EYS: variants seen among roughly 807,000 people sequenced by gnomAD.
The protein encoded by EYS is protein eyes shut homolog.
Under a neutral mutation model 282.1 loss-of-function variants are expected in EYS, and 250 were observed. That is an observed-to-expected ratio of 0.89 (90% CI 0.80 to 0.98). EYS has a LOEUF of 0.98. EYS is among the 50% of genes least tolerant of loss of function. The probability of loss-of-function intolerance (pLI) is 0.00; values close to 1 mark genes in which losing one functional copy is unlikely to be tolerated. For synonymous variants in EYS, 1,355 were observed against 1,282.9 expected (o/e 1.06, Z -1.20); for missense variants, 4,016 against 3,709.0 (o/e 1.08, Z -2.15).
At chr6:64,944,976 T>C (rs1769230038) in intron 15 of EYS, among the ~76,000 whole-genome samples, 2 of 151,440 alleles carry the variant, frequency 1.3e-5, no homozygotes, top group South Asian at 4.2e-4. Context: ...GCTGACCTTC[T>C]CCTTATTATC....
At chr6:65,147,096 T>C (rs1292944266) in intron 12 of EYS, among the ~76,000 whole-genome samples, 1 of 152,030 alleles carries the variant, frequency 6.6e-6, no homozygotes, top group East Asian at 1.9e-4. Flanking sequence ...TAAACTGCAT[T>C]TATATTTTTG....
intron 31 of EYS, among the ~76,000 whole-genome samples, chr6:64,131,820 G>T (rs978629293): frequency 1.3e-5 from 2 of 152,166 alleles, no homozygotes; most frequent in Non-Finnish European, 2.9e-5. Flanking sequence ...ATACTACTTT[G>T]CAGAAATCAT....
At position 64,170,889 on chromosome 6, in the gene EYS, A is replaced by G. The variant is rs956644698; in HGVS notation, c.6424+59703T>C. Among the ~76,000 whole-genome samples, 4 of 151,960 alleles carry G rather than the reference A, an allele frequency of 2.6e-5. No individual in the cohort carries two copies. In the South Asian group the frequency reaches 6.2e-4, roughly 24 times the overall value. ...ATCCCAACTTTTTCTCATCTTTTTAAATCACTCTGCTGAGAGGCAGGCAGG... is the reference window on the plus strand; with the variant it reads ...ATCCCAACTTTTTCTCATCTTTTTAGATCACTCTGCTGAGAGGCAGGCAGG... On this transcript the variant is annotated intron_variant, in intron 31 of 42. Coordinates refer to ENST00000503581, the MANE Select transcript of EYS (RefSeq NM_001142800.2).
chr6:64,228,379 C>T (rs4593345), intron 31 of EYS, among the ~76,000 whole-genome samples: 5,810 of 152,056 alleles, frequency 0.038, 171 homozygotes, highest in Non-Finnish European at 0.054. Flanking sequence ...AAAAAAATTA[C>T]GGATAATATT....
chr6:63,769,286 C>CT lies in EYS; in HGVS notation c.7899-6654dup, dbSNP rs533816613. On this transcript the variant is annotated intron_variant, in intron 40 of 42. Coordinates refer to ENST00000503581, the MANE Select transcript of EYS (RefSeq NM_001142800.2). ...AAGGTAAGAGTAGGTGATAAAATAG[C>CT]TTTTTTTTTTCTATAAGCATCTAGG... Among the ~76,000 whole-genome samples the CT allele has an allele frequency of 1.9e-3, 286 of 149,198 alleles. 2 individuals carry two copies. The highest frequency in any genetic ancestry group is 7.7e-3 in the East Asian group (39 of 5,098).
chr6:65,429,346 T>C (rs536558942), intron 5 of EYS, among the ~76,000 whole-genome samples: 2 of 152,266 alleles, frequency 1.3e-5, no homozygotes, highest in South Asian at 2.1e-4. Context: ...TTCCAGCCTC[T>C]GGGATTCTTC....
chr6:63,972,179 C>CT (rs1226664824), intron 35 of EYS, among the ~76,000 whole-genome samples: 1 of 152,040 alleles, frequency 6.6e-6, no homozygotes, highest in Admixed American at 6.5e-5. Flanking sequence ...TGAATGGGTT[C>CT]TTTTTTTAGA....
intron 33 of EYS, among the ~76,000 whole-genome samples, chr6:64,047,817 T>G (rs1224169882): frequency 1.3e-5 from 2 of 152,200 alleles, no homozygotes; most frequent in African/African-American, 4.8e-5. Flanking sequence ...GGAACTATCA[T>G]TAAGGTGACC....
chr6:64,165,205 A>G (rs908421357), intron 31 of EYS, among the ~76,000 whole-genome samples: 1 of 152,226 alleles, frequency 6.6e-6, no homozygotes, highest in Non-Finnish European at 1.5e-5. Context: ...CAGAGTGTCT[A>G]TTTTAAAAGA....
chr6:64,692,403 C>T (rs1224839649), intron 22 of EYS, among the ~76,000 whole-genome samples: 1 of 152,082 alleles, frequency 6.6e-6, no homozygotes, highest in East Asian at 1.9e-4. Flanking sequence ...AACATCTTCT[C>T]CCATTTTGTA....
intron 13 of EYS, among the ~76,000 whole-genome samples, chr6:65,051,414 A>T (rs1313904544): frequency 6.6e-6 from 1 of 151,582 alleles, no homozygotes; most frequent in Non-Finnish European, 1.5e-5. Context: ...ATTGTGCATC[A>T]TACTTTATTT....
At chr6:64,085,340 G>GCGTACACACACACA (rs112388321) in intron 31 of EYS, among the ~76,000 whole-genome samples, 1 of 139,888 alleles carries the variant, frequency 7.1e-6, no homozygotes, top group Admixed American at 7.0e-5. Context: ...ACGTGCGCGC[G>GCGTACACACACACA]CACACACACA....
At chr6:64,585,808 A>G (rs1766216744) in intron 26 of EYS, among the ~76,000 whole-genome samples, 1 of 152,052 alleles carries the variant, frequency 6.6e-6, no homozygotes, top group South Asian at 2.1e-4. Context: ...ATACTTTTGC[A>G]CTTTCAAATA....
intron 12 of EYS, among the ~76,000 whole-genome samples, chr6:65,281,440 A>C (rs554431559): frequency 6.6e-6 from 1 of 152,162 alleles, no homozygotes; most frequent in Non-Finnish European, 1.5e-5. Context: ...ACTGAAAATT[A>C]CTTTGAAATA....
At chr6:65,302,239 T>C (rs1768862892) in intron 11 of EYS, among the ~76,000 whole-genome samples, 1 of 152,222 alleles carries the variant, frequency 6.6e-6, no homozygotes. Context: ...TGAGAGGTTT[T>C]CTTGGCAATG....
intron 41 of EYS, among the ~76,000 whole-genome samples, chr6:63,729,650 T>C (rs1034723735): frequency 6.6e-6 from 1 of 152,170 alleles, no homozygotes; most frequent in Non-Finnish European, 1.5e-5. Flanking sequence ...TTTTGTGGCA[T>C]AATATTTTAT....
intron 26 of EYS, among the ~76,000 whole-genome samples, chr6:64,547,897 G>T (rs1764932343): frequency 6.6e-6 from 1 of 152,224 alleles, no homozygotes; most frequent in Admixed American, 6.5e-5. Flanking sequence ...CCGGCAAGAA[G>T]TCCAGCACAG....
intron 2 of EYS, among the ~76,000 whole-genome samples, chr6:65,619,433 T>C (rs1038554387): frequency 6.6e-6 from 1 of 152,238 alleles, no homozygotes; most frequent in Non-Finnish European, 1.5e-5. Context: ...AAGTTGTTTA[T>C]CAGCTTTAGG....
At chr6:65,409,552 A>G (rs1305466165) in intron 5 of EYS, among the ~76,000 whole-genome samples, 1 of 152,174 alleles carries the variant, frequency 6.6e-6, no homozygotes, top group Non-Finnish European at 1.5e-5. Context: ...ACATGTTAGA[A>G]AAAACTGAAA....
Sources: gnomAD v4.1 joint callset for allele counts (sites outside exome capture counted in the v4.1 genomes callset) on GRCh38, gnomAD v4.1.1 for gene constraint, MANE v1.5 for transcripts, NCBI Gene and HGNC (gene_info 2026-07-23, HGNC 2026-07-21) for gene names.